Variants in TSPAN7 observed in about 807,000 individuals in gnomAD.
The protein encoded by TSPAN7 is tetraspanin 7, also known as tetraspanin-7.
A neutral mutation model predicts 17.6 loss-of-function variants in TSPAN7; 1 was observed. That is an observed-to-expected ratio of 0.06 (90% CI 0.02 to 0.27). TSPAN7 has a LOEUF of 0.27. TSPAN7 is among the 10% of genes least tolerant of loss of function. TSPAN7 has a pLI of 1.00. For missense variants in TSPAN7, 112 were observed against 201.7 expected (o/e 0.56, Z 2.69); for synonymous variants, 78 against 79.0 (o/e 0.99, Z 0.07).
intron 1 of TSPAN7, among the ~76,000 whole-genome samples, chrX:38,603,506 C>T (rs1032336180): frequency 7.1e-5 from 8 of 112,026 alleles, no homozygotes; most frequent in Middle Eastern, 4.6e-3. Context: ...GTGGAAACAA[C>T]CCAAATGTCC....
At chrX:38,667,662 C>T (rs1481016183) in intron 2 of TSPAN7, among the ~76,000 whole-genome samples, 3 of 111,990 alleles carry the variant, frequency 2.7e-5, no homozygotes, top group Non-Finnish European at 5.6e-5. Context: ...GCTGATGCCT[C>T]AGCCGCCACT....
chrX:38,599,155 G>T lies in TSPAN7; in HGVS notation c.81+37528G>T, dbSNP rs191824135. Reference sequence around the variant, plus strand: ...ACACAACACATGGTTCTTAATAGTGGCTATCCTGGGATGAGGGAGGCAGGG... The same window carrying T: ...ACACAACACATGGTTCTTAATAGTGTCTATCCTGGGATGAGGGAGGCAGGG... On this transcript the variant is annotated intron_variant, in intron 1 of 7. Transcript: ENST00000378482. Among the ~76,000 whole-genome samples, 80 of 111,312 alleles carry T rather than the reference G, an allele frequency of 7.2e-4. 1 individual carries two copies. In the East Asian group the frequency reaches 0.019, roughly 26 times the overall value.
At chrX:38,607,852 T>C (rs2069392504) in intron 1 of TSPAN7, among the ~76,000 whole-genome samples, 1 of 104,386 alleles carries the variant, frequency 9.6e-6, no homozygotes, top group Non-Finnish European at 1.9e-5. Flanking sequence ...GGTCTAGTTT[T>C]AGCCTTGAGG....
chrX:38,566,748 A>G (rs1324417566), intron 1 of TSPAN7, among the ~76,000 whole-genome samples: 1 of 112,098 alleles, frequency 8.9e-6, no homozygotes, highest in Non-Finnish European at 1.9e-5. Flanking sequence ...CCCTATATAT[A>G]TATAACAAAA....
chrX:38,671,849 G>C (rs2069822545), intron 3 of TSPAN7, among the ~76,000 whole-genome samples: 1 of 110,761 alleles, frequency 9.0e-6, no homozygotes, highest in Admixed American at 9.7e-5. Context: ...TTCAAGAGCA[G>C]CCTGGGCAAC....
chrX:38,652,771 ACT>A (rs2069682112), intron 1 of TSPAN7, among the ~76,000 whole-genome samples: 1 of 111,543 alleles, frequency 9.0e-6, no homozygotes, highest in East Asian at 2.8e-4. Context: ...GTTTCTTCCC[ACT>A]CTGCGTTTAC....
At chrX:38,617,146 C>A (rs1307031209) in intron 1 of TSPAN7, among the ~76,000 whole-genome samples, 1 of 111,707 alleles carries the variant, frequency 9.0e-6, no homozygotes, top group African/African-American at 3.3e-5. Flanking sequence ...GCATTCGGCC[C>A]GAGAGTGCTG....
chrX:38,593,153 CT>C (rs869050581), intron 1 of TSPAN7, among the ~76,000 whole-genome samples: 2 of 110,541 alleles, frequency 1.8e-5, no homozygotes, highest in Middle Eastern at 4.7e-3. Flanking sequence ...CCATATGTAA[CT>C]TTTTTTCCCC....
intron 6 of TSPAN7, among the ~76,000 whole-genome samples, chrX:38,685,180 G>A (rs2069919982): frequency 9.0e-6 from 1 of 111,606 alleles, no homozygotes; most frequent in Non-Finnish European, 1.9e-5. Flanking sequence ...GGACAGAGCT[G>A]GGGCTATTCT....
intron 1 of TSPAN7, among the ~76,000 whole-genome samples, chrX:38,571,344 A>C (rs918354718): frequency 9.0e-6 from 1 of 111,339 alleles, no homozygotes; most frequent in Non-Finnish European, 1.9e-5. Context: ...TTCTGATTCA[A>C]CTGGTCTGGA....
At chrX:38,659,823 CTTTTT>C (rs748922281) in intron 1 of TSPAN7, among the ~76,000 whole-genome samples, 10 of 61,591 alleles carry the variant, frequency 1.6e-4, no homozygotes, top group African/African-American at 5.8e-4. Flanking sequence ...TTTTCTTTTT[CTTTTT>C]TTTTTTTTTT....
intron 1 of TSPAN7, among the ~76,000 whole-genome samples, chrX:38,624,617 G>T (rs2069510302): frequency 8.9e-6 from 1 of 112,360 alleles, no homozygotes; most frequent in Non-Finnish European, 1.9e-5. Context: ...AGAGCCTAAA[G>T]ATTTAAGTCA....
chrX:38,666,972 G>A (rs745883560), intron 2 of TSPAN7, among the ~76,000 whole-genome samples: 3 of 112,053 alleles, frequency 2.7e-5, no homozygotes, highest in Non-Finnish European at 5.6e-5. Flanking sequence ...TGGTGGCAAG[G>A]CAGCATCCTG....
chrX:38,635,956 C>T (rs2069577893), intron 1 of TSPAN7, among the ~76,000 whole-genome samples: 1 of 111,667 alleles, frequency 9.0e-6, no homozygotes, highest in Non-Finnish European at 1.9e-5. Context: ...AAGTTCATCA[C>T]AAACTTCCCA....
chrX:38,575,727 AAAAT>A (rs2069190784), intron 1 of TSPAN7, among the ~76,000 whole-genome samples: 2 of 112,639 alleles, frequency 1.8e-5, no homozygotes, highest in Middle Eastern at 4.6e-3. Flanking sequence ...AATTAAATAA[AAAAT>A]AAATGTGGTT....
At chrX:38,602,542 T>C (rs765812033) in intron 1 of TSPAN7, among the ~76,000 whole-genome samples, 2 of 111,893 alleles carry the variant, frequency 1.8e-5, no homozygotes, top group Non-Finnish European at 3.8e-5. Context: ...AGAAGAAATA[T>C]AAATATGCAC....
chrX:38,613,746 C>A (rs758850620), intron 1 of TSPAN7, among the ~76,000 whole-genome samples: 2 of 110,848 alleles, frequency 1.8e-5, no homozygotes, highest in Admixed American at 1.9e-4. Context: ...CCTGACTATG[C>A]CTCCCAGGAT....
intron 1 of TSPAN7, among the ~76,000 whole-genome samples, chrX:38,657,127 C>G (rs1366426287): frequency 2.7e-5 from 3 of 111,120 alleles, no homozygotes; most frequent in Non-Finnish European, 5.7e-5. Flanking sequence ...ATTTTTTTCT[C>G]TTTTCCCAGT....
At chrX:38,615,336 T>C (rs2147420006) in intron 1 of TSPAN7, among the ~76,000 whole-genome samples, 1 of 111,260 alleles carries the variant, frequency 9.0e-6, no homozygotes, top group East Asian at 2.8e-4. Context: ...GAAAATAAGC[T>C]TTTTTTTCCC....
Sources: gnomAD v4.1 joint callset for allele counts (sites outside exome capture counted in the v4.1 genomes callset) on GRCh38, gnomAD v4.1.1 for gene constraint, MANE v1.5 for transcripts, NCBI Gene and HGNC (gene_info 2026-07-23, HGNC 2026-07-21) for gene names.